Variants in ZNF385D observed in about 807,000 individuals in gnomAD.
ZNF385D encodes the protein zinc finger protein 385D, also known as zinc finger protein 659.
ZNF385D carries 15 observed loss-of-function variants against 35.8 expected under a neutral mutation model. The observed-to-expected ratio is 0.42, with a 90% CI of 0.28 to 0.64. The LOEUF is 0.64. ZNF385D is among the 30% of genes least tolerant of loss of function. The probability of loss-of-function intolerance (pLI) is 0.23; values close to 1 mark genes in which losing one functional copy is unlikely to be tolerated. For missense variants in ZNF385D, 474 were observed against 494.6 expected (o/e 0.96, Z 0.39); for synonymous variants, 212 against 186.8 (o/e 1.13, Z -1.10).
intron 2 of ZNF385D, among the ~76,000 whole-genome samples, chr3:22,361,823 T>C (rs1386569452): frequency 6.6e-6 from 1 of 151,846 alleles, no homozygotes. Context: ...TGCTTCCTTA[T>C]CTAAAAAAAG....
rs115295774 is a variant in ZNF385D at position 22,021,966 on chromosome 3, A to T, written c.325+146851T>A. On this transcript the variant is annotated intron_variant, in intron 3 of 5. Transcript: ENST00000494108. ...CTCACTTGTTCTGGAAAACTAACTC[A>T]CTCAACTTCCATTTCCCCATCCATG... 8.7e-3 allele frequency among the ~76,000 whole-genome samples: 1,325 copies of T among 152,034 alleles called. 23 individuals carry two copies. The highest frequency in any genetic ancestry group is 0.01 in the Middle Eastern group (3 of 292).
At chr3:21,525,941 T>C (rs1041471170) in intron 3 of ZNF385D, among the ~76,000 whole-genome samples, 1 of 152,128 alleles carries the variant, frequency 6.6e-6, no homozygotes, top group African/African-American at 2.4e-5. Flanking sequence ...TGATTTTTTT[T>C]CCCCTTGGGC....
chr3:22,160,856 T>C (rs1057030842), intron 3 of ZNF385D, among the ~76,000 whole-genome samples: 1 of 152,110 alleles, frequency 6.6e-6, no homozygotes, highest in Non-Finnish European at 1.5e-5. Flanking sequence ...AACTTGTTAC[T>C]CAATCCTTCA....
chr3:22,306,287 G>A (rs1444277075), intron 2 of ZNF385D, among the ~76,000 whole-genome samples: 1 of 151,924 alleles, frequency 6.6e-6, no homozygotes, highest in South Asian at 2.1e-4. Context: ...TCAGACTCTT[G>A]TCTAATGGAT....
intron 2 of ZNF385D, among the ~76,000 whole-genome samples, chr3:21,620,393 G>C (rs1422310341): frequency 6.6e-6 from 1 of 152,114 alleles, no homozygotes; most frequent in African/African-American, 2.4e-5. Context: ...TCCCCTCTTA[G>C]TGGTTCTTTT....
At chr3:22,353,207 T>C (rs917228097) in intron 2 of ZNF385D, among the ~76,000 whole-genome samples, 1 of 152,180 alleles carries the variant, frequency 6.6e-6, no homozygotes. Flanking sequence ...TACTGGAATC[T>C]CTTCATTCAG....
At chr3:22,171,770 G>A (rs536532702) in intron 2 of ZNF385D, among the ~76,000 whole-genome samples, 2 of 151,420 alleles carry the variant, frequency 1.3e-5, no homozygotes, top group African/African-American at 2.4e-5. Flanking sequence ...CCAGCTACTC[G>A]GGAGGCTGAG....
chr3:21,892,372 T>C (rs888235622), intron 3 of ZNF385D, among the ~76,000 whole-genome samples: 1 of 152,130 alleles, frequency 6.6e-6, no homozygotes, highest in African/African-American at 2.4e-5. Flanking sequence ...CCCAAATAAA[T>C]TCCTCCAGAT....
intron 3 of ZNF385D, among the ~76,000 whole-genome samples, chr3:21,990,769 A>G (rs1004090414): frequency 6.6e-6 from 1 of 152,244 alleles, no homozygotes; most frequent in Non-Finnish European, 1.5e-5. Context: ...GTATGAGCTG[A>G]AACACTTATT....
chr3:21,610,777 CCA>C (rs1491200637), intron 2 of ZNF385D, among the ~76,000 whole-genome samples: 12 of 148,206 alleles, frequency 8.1e-5, no homozygotes, highest in East Asian at 2.0e-4. Context: ...TCCGTCCCCC[CCA>C]AAAAAAAAAA....
At chr3:21,423,855 G>A in intron 7 of ZNF385D, 108 bp downstream of exon 7, 1 of 992,604 alleles carries the variant, frequency 1.0e-6, no homozygotes, top group Non-Finnish European at 1.5e-6. Context: ...ACTCAAAAAG[G>A]TAAAAGGTAC....
chr3:21,887,228 T>A (rs982489170), intron 3 of ZNF385D, among the ~76,000 whole-genome samples: 2 of 152,176 alleles, frequency 1.3e-5, no homozygotes, highest in Admixed American at 1.3e-4. Context: ...TCAAAGATAT[T>A]TGGGCTTGTG....
intron 3 of ZNF385D, among the ~76,000 whole-genome samples, chr3:21,982,430 C>G (rs1694523520): frequency 6.6e-6 from 1 of 152,020 alleles, no homozygotes; most frequent in African/African-American, 2.4e-5. Flanking sequence ...TGTGCATTGA[C>G]TTTGTATCCT....
chr3:21,644,388 C>T (rs372646505), intron 2 of ZNF385D, among the ~76,000 whole-genome samples: 2 of 152,130 alleles, frequency 1.3e-5, no homozygotes, highest in Non-Finnish European at 2.9e-5. Flanking sequence ...GCATAGGACA[C>T]CATTCCATCA....
At position 21,635,532 on chromosome 3, in the gene ZNF385D, G is replaced by GTTT. The variant is rs1387991662; in HGVS notation, c.165+29351_165+29353dup. On this transcript the variant is annotated intron_variant, in intron 2 of 7. Transcript: ENST00000281523. Reference sequence around the variant, plus strand: ...CAGGCAATGTAGTTCCAGAGTCACTGTTTGTTGTTGTTGTTGTTGTTTGTT... The same window carrying GTTT: ...CAGGCAATGTAGTTCCAGAGTCACTGTTTTTTGTTGTTGTTGTTGTTGTTTGTT... Among the ~76,000 whole-genome samples, 7 of 124,046 alleles carry GTTT rather than the reference G, an allele frequency of 5.6e-5. No individual in the cohort carries two copies. The East Asian group carries it at 6.4e-4, about 11-fold the overall frequency. 81.4% of individuals were successfully genotyped at this position (124,046 alleles called of 152,430 possible).
chr3:21,645,312 G>C (rs1482631915), intron 2 of ZNF385D, among the ~76,000 whole-genome samples: 1 of 152,122 alleles, frequency 6.6e-6, no homozygotes, highest in Non-Finnish European at 1.5e-5. Context: ...GCACAAGGCA[G>C]TGAGATCACA....
chr3:22,005,400 T>G (rs1417970800), intron 3 of ZNF385D, among the ~76,000 whole-genome samples: 1 of 152,032 alleles, frequency 6.6e-6, no homozygotes, highest in East Asian at 1.9e-4. Context: ...AAACTAAAAA[T>G]AGAATAAGGG....
At chr3:21,663,740 G>C (rs2066305389) in intron 2 of ZNF385D, among the ~76,000 whole-genome samples, 1 of 151,082 alleles carries the variant, frequency 6.6e-6, no homozygotes, top group Non-Finnish European at 1.5e-5. Context: ...AAAAAGCAAA[G>C]GGATCATTTT....
intron 3 of ZNF385D, among the ~76,000 whole-genome samples, chr3:21,895,025 G>A (rs934182340): frequency 2.0e-5 from 3 of 152,094 alleles, no homozygotes; most frequent in African/African-American, 7.2e-5. Context: ...ATACCACAGA[G>A]TAAATAGCAG....
Sources: gnomAD v4.1 joint callset for allele counts (sites outside exome capture counted in the v4.1 genomes callset) on GRCh38, gnomAD v4.1.1 for gene constraint, MANE v1.5 for transcripts, NCBI Gene and HGNC (gene_info 2026-07-23, HGNC 2026-07-21) for gene names.